Variants in NSRP1 observed in about 807,000 individuals in gnomAD.
The protein encoded by NSRP1 is nuclear speckle splicing regulatory protein 1.
In NSRP1, 24 loss-of-function variants were observed where a neutral mutation model predicts 54.7. That is an observed-to-expected ratio of 0.44 (90% CI 0.32 to 0.62). NSRP1 has a LOEUF of 0.62. Among genes scored for constraint, NSRP1 ranks in the 20% least tolerant of loss-of-function variants. The pLI is 0.06. For missense variants in NSRP1, 596 were observed against 651.2 expected, an observed-to-expected ratio of 0.92 and a Z score of 0.92; for synonymous variants, 210 against 213.8, an observed-to-expected ratio of 0.98 and a Z score of 0.15.
rs370966796 is a variant in NSRP1, at chr17:30,184,644, G to T, written c.647G>T (p.Gly216Val). ...GGTATAAAGGAAGAAAAATCAAGGGGCTTCTCCAATGAAGTAAGTTCAAAA... is the reference window on the plus strand; with the variant it reads ...GGTATAAAGGAAGAAAAATCAAGGGTCTTCTCCAATGAAGTAAGTTCAAAA... The part of the protein sequence containing the change: ...RSGIKEEKSR[G>V]FSNEVSSKNR... The change falls in exon 7 of 7, where the codon GGC (glycine) becomes GTC (valine). Residue 216 changes from glycine (G) to valine (V), a missense_variant. Physicochemically the swap from Gly to Val is moderately radical, Grantham distance 109 (BLOSUM62 -3). Transcript: ENST00000247026. 5.1e-6 allele frequency: 8 copies of T among 1,577,906 alleles called. No individual in the cohort carries two copies. Among genetic ancestry groups the T allele is most frequent in the Non-Finnish European group, 6.9e-6 (8 of 1,163,060 alleles).
Position 30,186,009 on chromosome 17 carries a change from C to T in NSRP1, c.*335C>T. The T allele has an allele frequency of 6.1e-6, 1 of 164,936 alleles. No individual in the cohort carries two copies. Among genetic ancestry groups the T allele is most frequent in the African/African-American group, 2.4e-5 (1 of 41,940 alleles). The allele number at this position is 164,936 out of a possible 1,614,324, so 10.2% of individuals were successfully genotyped here. Reference sequence around the variant, plus strand: ...TTTTGGCCAGATACGGTAGCTCGTGCCTGTAATACCAACATTTTGGGAGGC... The same window carrying T: ...TTTTGGCCAGATACGGTAGCTCGTGTCTGTAATACCAACATTTTGGGAGGC... On this transcript the variant is annotated 3_prime_UTR_variant, in exon 7 of 7. Transcript: ENST00000247026.
rs566516249 is a variant in NSRP1 at position 30,166,605 on chromosome 17, C to T, written c.115-5937C>T. 3.0e-3 allele frequency among the ~76,000 whole-genome samples: 464 copies of T among 152,204 alleles called. 4 individuals carry two copies. The highest frequency in any genetic ancestry group is 5.1e-3 in the Non-Finnish European group (347 of 68,002). On this transcript the variant is annotated intron_variant, in intron 2 of 6. Transcript: ENST00000247026. The stretch of plus-strand genomic sequence containing the variant: ...CAGTCAGCAATTAGTGTCTGTTACC[C>T]AAGTACAATACGTTTTTGTTAAGGG...
At chr17:30,162,883 T>A (rs1904569994) in intron 2 of NSRP1, among the ~76,000 whole-genome samples, 2 of 151,994 alleles carry the variant, frequency 1.3e-5, no homozygotes, top group African/African-American at 4.8e-5. Flanking sequence ...ACAGACCTAA[T>A]TCCCTTTTTT....
intron 2 of NSRP1, among the ~76,000 whole-genome samples, chr17:30,171,303 CTTT>C (rs34039932): frequency 4.6e-5 from 5 of 108,310 alleles, no homozygotes; most frequent in Admixed American, 9.9e-5. Context: ...TTGTAATTGT[CTTT>C]TTTTTTTTTT....
intron 2 of NSRP1, among the ~76,000 whole-genome samples, chr17:30,123,270 A>G (rs2071620475): frequency 6.6e-6 from 1 of 151,988 alleles, no homozygotes; most frequent in Admixed American, 6.6e-5. Context: ...GGCATGTGCC[A>G]CTACGCCCAG....
intron 2 of NSRP1, among the ~76,000 whole-genome samples, chr17:30,136,265 T>C (rs1207269830): frequency 2.0e-5 from 3 of 152,250 alleles, no homozygotes; most frequent in Non-Finnish European, 2.9e-5. Context: ...TTATTATATA[T>C]TAAATTTCCA....
intron 2 of NSRP1, among the ~76,000 whole-genome samples, chr17:30,167,321 T>G (rs1405749982): frequency 6.6e-6 from 1 of 151,996 alleles, no homozygotes; most frequent in African/African-American, 2.4e-5. Context: ...TTTAAAAACA[T>G]AAGATCTGGC....
intron 3 of NSRP1, among the ~76,000 whole-genome samples, chr17:30,173,973 A>G (rs370896597): frequency 2.0e-5 from 3 of 152,348 alleles, no homozygotes; most frequent in East Asian, 3.9e-4. Flanking sequence ...ATACACATAA[A>G]ACATAAAAAA....
chr17:30,154,372 T>C (rs1333484572), intron 2 of NSRP1: 1 of 149,536 alleles, frequency 6.7e-6, no homozygotes, highest in Non-Finnish European at 1.5e-5. Context: ...TTACCTTTCA[T>C]GTATCTCATA....
At chr17:30,140,307 C>G (rs886634020) in intron 2 of NSRP1, among the ~76,000 whole-genome samples, 3 of 152,028 alleles carry the variant, frequency 2.0e-5, no homozygotes, top group African/African-American at 7.2e-5. Flanking sequence ...CTTGTAATTT[C>G]CACTGTGGTA....
chr17:30,128,927 T>G (rs559274635), intron 2 of NSRP1, among the ~76,000 whole-genome samples: 87 of 151,974 alleles, frequency 5.7e-4, no homozygotes, highest in Non-Finnish European at 9.9e-4. Flanking sequence ...TTGTTTTTTT[T>G]TTTTTAATTT....
intron 2 of NSRP1, among the ~76,000 whole-genome samples, chr17:30,134,997 G>GAT (rs201171353): frequency 1.1e-4 from 17 of 150,594 alleles, no homozygotes; most frequent in South Asian, 4.2e-4. Context: ...CCATTGTCCG[G>GAT]ATATATATAT....
chr17:30,122,385 ATTTTTTTTTTTTTTTTTTTTTTTTT>A (rs56295513), intron 2 of NSRP1: 3 of 16,428 alleles, frequency 1.8e-4, no homozygotes, highest in Non-Finnish European at 3.2e-4. Flanking sequence ...ATATATATAT[ATTTTTTTTTTTTTTTTTTTTTTTTT>A]TTTTTTTTTT....
At chr17:30,150,518 G>C (rs1387303237) in intron 2 of NSRP1, 1 of 151,922 alleles carries the variant, frequency 6.6e-6, no homozygotes, top group Non-Finnish European at 1.5e-5. Context: ...AAGTAGCTGG[G>C]ACTATAGGCG....
intron 2 of NSRP1, chr17:30,128,220 G>A (rs1264443808): frequency 1.3e-5 from 2 of 156,890 alleles, no homozygotes; most frequent in East Asian, 3.6e-4. Flanking sequence ...AGAAGCCATA[G>A]TATATTCCTT....
Position 30,185,318 on chromosome 17 carries a change from G to A in NSRP1, c.1321G>A (p.Glu441Lys). 6.2e-7 allele frequency: 1 copy of A among 1,606,450 alleles called. No homozygotes were observed. Among genetic ancestry groups the A allele is most frequent in the Non-Finnish European group, 8.5e-7 (1 of 1,178,114 alleles). The change falls in exon 7 of 7, where the codon GAG becomes AAG. Residue 441 changes from glutamate to lysine, a missense_variant. By Grantham distance (56) the Glu-to-Lys change is moderately conservative. Coordinates refer to ENST00000247026, the MANE Select transcript of NSRP1 (RefSeq NM_032141.4). ...TAAATACAGAGATAGAGAAAAACGAGAGGTAGGTGTTCAGTCTTCAGAAAG... is the reference window on the plus strand; with the variant it reads ...TAAATACAGAGATAGAGAAAAACGAAAGGTAGGTGTTCAGTCTTCAGAAAG... ...NDKYRDREKR[E>K]VGVQSSERNQ...
intron 2 of NSRP1, among the ~76,000 whole-genome samples, chr17:30,119,680 T>A (rs1344966121): frequency 1.3e-5 from 2 of 152,136 alleles, no homozygotes; most frequent in Non-Finnish European, 2.9e-5. Context: ...TTCTTGTGTT[T>A]TTAGTAGAGG....
At chr17:30,130,183 C>A (rs1360615985) in intron 2 of NSRP1, among the ~76,000 whole-genome samples, 1 of 152,154 alleles carries the variant, frequency 6.6e-6, no homozygotes, top group Non-Finnish European at 1.5e-5. Flanking sequence ...GTAGCCTCAA[C>A]CTCCTGGGCT....
intron 6 of NSRP1, among the ~76,000 whole-genome samples, chr17:30,183,887 A>G (rs1212272077): frequency 6.6e-6 from 1 of 152,168 alleles, no homozygotes; most frequent in Non-Finnish European, 1.5e-5. Context: ...ATGTATTTCT[A>G]GGACTATTTT....
Sources: gnomAD v4.1 joint callset for allele counts (sites outside exome capture counted in the v4.1 genomes callset) on GRCh38, gnomAD v4.1.1 for gene constraint, MANE v1.5 for transcripts, NCBI Gene and HGNC (gene_info 2026-07-23, HGNC 2026-07-21) for gene names.